The following SLC20A2 variants were observed in gnomAD, a reference collection of about 807,000 sequenced individuals.
SLC20A2 encodes solute carrier family 20 member 2, also known as sodium-dependent phosphate transporter 2.
Under a neutral mutation model 61.0 loss-of-function variants are expected in SLC20A2, and 30 were observed. The ratio of observed to expected loss-of-function variants is 0.49; its 90% CI spans 0.37 to 0.67. SLC20A2 has a LOEUF of 0.67. Among genes scored for constraint, SLC20A2 ranks in the 30% least tolerant of loss-of-function variants. SLC20A2 has a pLI of 0.00. For missense variants in SLC20A2, 626 were observed against 866.4 expected, an observed-to-expected ratio of 0.72 and a Z score of 3.48; for synonymous variants, 351 against 353.3, an observed-to-expected ratio of 0.99 and a Z score of 0.07.
intron 10 of SLC20A2, among the ~76,000 whole-genome samples, chr8:42,424,116 T>C (rs6987649): frequency 0.22 from 33,556 of 152,046 alleles, 7,599 homozygotes; most frequent in African/African-American, 0.58. Context: ...TTCTGCAGAA[T>C]ATGACTTCCA....
intron 6 of SLC20A2, among the ~76,000 whole-genome samples, chr8:42,441,530 G>A (rs1354610314): frequency 1.3e-5 from 2 of 150,916 alleles, no homozygotes; most frequent in South Asian, 2.1e-4. Flanking sequence ...GTGCTGTGGC[G>A]CGATCTCGGA....
chr8:42,419,139 C>G (rs1253658005), intron 10 of SLC20A2, among the ~76,000 whole-genome samples: 2 of 151,920 alleles, frequency 1.3e-5, no homozygotes, highest in Non-Finnish European at 2.9e-5. Context: ...TTACCCAATT[C>G]ACTATTTTTT....
At chr8:42,485,378 A>G (rs896334456) in intron 1 of SLC20A2, among the ~76,000 whole-genome samples, 2 of 152,088 alleles carry the variant, frequency 1.3e-5, no homozygotes, top group Non-Finnish European at 2.9e-5. Flanking sequence ...GCGGTGGCTC[A>G]CGCCTGTAAT....
intron 6 of SLC20A2, among the ~76,000 whole-genome samples, chr8:42,443,289 A>ATATC (rs1804940404): frequency 7.4e-6 from 1 of 134,408 alleles, no homozygotes; most frequent in Non-Finnish European, 1.6e-5. Flanking sequence ...ATATATATAT[A>ATATC]TATATATATA....
intron 7 of SLC20A2, among the ~76,000 whole-genome samples, chr8:42,438,457 C>T (rs1804518356): frequency 6.6e-6 from 1 of 152,136 alleles, no homozygotes; most frequent in Non-Finnish European, 1.5e-5. Flanking sequence ...CAGGTGTGCA[C>T]CATCATCCAG....
intron 1 of SLC20A2, chr8:42,480,520 T>C (rs1290423774): frequency 6.6e-6 from 1 of 152,234 alleles, no homozygotes; most frequent in Non-Finnish European, 1.5e-5. Flanking sequence ...CTACCTACGA[T>C]GTAAAACATA....
chr8:42,439,958 G>T (rs1012768858), intron 6 of SLC20A2, among the ~76,000 whole-genome samples: 10 of 151,650 alleles, frequency 6.6e-5, no homozygotes, highest in Admixed American at 1.3e-4. Context: ...GGTGGCAGGC[G>T]CCTGTAATTC....
chr8:42,496,492 T>G lies in SLC20A2; in HGVS notation c.-265+4539A>C, dbSNP rs2272686. 2.6e-4 allele frequency among the ~76,000 whole-genome samples: 39 copies of G among 152,312 alleles called. No homozygotes were observed. In the East Asian group the frequency reaches 7.3e-3, roughly 29 times the overall value. ...AGGGGACTCCTAGGAGTAACTGTTT[T>G]GATTGGGAAAGGTGAGAATGGCCAC... is the stretch of plus-strand genomic sequence containing the variant. On this transcript the variant is annotated intron_variant, in intron 1 of 10. Transcript: ENST00000520262.
In SLC20A2 at chr8:42,455,386, C is replaced by T. The variant is rs1413037740; in HGVS notation, c.613+4510G>A. Among the ~76,000 whole-genome samples the T allele has an allele frequency of 4.6e-5, 7 of 150,978 alleles. No homozygotes were observed. In the South Asian group the frequency reaches 8.4e-4, roughly 18 times the overall value. On this transcript the variant is annotated intron_variant, in intron 5 of 10. Transcript: ENST00000520262. Reference sequence around the variant, plus strand: ...ATAATTTGTTAAGGTTGAGGCTGGGCGCGGTGGCTCACGCCTGTAATCCCA... The same window carrying T: ...ATAATTTGTTAAGGTTGAGGCTGGGTGCGGTGGCTCACGCCTGTAATCCCA...
At chr8:42,428,285 G>A (rs1360000233) in intron 10 of SLC20A2, among the ~76,000 whole-genome samples, 1 of 152,252 alleles carries the variant, frequency 6.6e-6, no homozygotes, top group Non-Finnish European at 1.5e-5. Flanking sequence ...GGAATTTATG[G>A]CAATATAGTC....
chr8:42,480,788 T>A (rs1265512383), intron 1 of SLC20A2, among the ~76,000 whole-genome samples: 1 of 152,188 alleles, frequency 6.6e-6, no homozygotes, highest in African/African-American at 2.4e-5. Flanking sequence ...GCCTCTCCAG[T>A]AGCTCAGACT....
At chr8:42,430,790 T>C (rs886103241) in intron 8 of SLC20A2, among the ~76,000 whole-genome samples, 2 of 152,214 alleles carry the variant, frequency 1.3e-5, no homozygotes, top group African/African-American at 4.8e-5. Context: ...ATTCTCACAG[T>C]ATTCCCGAAT....
chr8:42,538,483 G>C (rs1275487726), intron 1 of SLC20A2, among the ~76,000 whole-genome samples: 2 of 151,984 alleles, frequency 1.3e-5, no homozygotes, highest in Non-Finnish European at 2.9e-5. Flanking sequence ...AGATTGCAGA[G>C]AAAGTCAGGC....
chr8:42,478,357 A>G (rs113742868), intron 1 of SLC20A2, among the ~76,000 whole-genome samples: 4,333 of 151,328 alleles, frequency 0.029, 213 homozygotes, highest in African/African-American at 0.099. Context: ...GATTACAGGC[A>G]TGCACTTCCT....
intron 5 of SLC20A2, among the ~76,000 whole-genome samples, chr8:42,446,427 A>G (rs1185676351): frequency 6.6e-6 from 1 of 152,210 alleles, no homozygotes; most frequent in Non-Finnish European, 1.5e-5. Flanking sequence ...ACATAAACTC[A>G]CAGGTAGTTA....
chr8:42,444,834 TC>T, intron 5 of SLC20A2, 72 bp from the exon 6 acceptor site: 2 of 1,004,772 alleles, frequency 2.0e-6, no homozygotes, highest in East Asian at 4.8e-5. Flanking sequence ...GCGGTGGACT[TC>T]CCACTCCCCA....
intron 1 of SLC20A2, among the ~76,000 whole-genome samples, chr8:42,487,661 T>C (rs1809140277): frequency 6.6e-6 from 1 of 152,226 alleles, no homozygotes; most frequent in African/African-American, 2.4e-5. Flanking sequence ...GAAGCCTCTC[T>C]AGCGAACTTG....
intron 5 of SLC20A2, among the ~76,000 whole-genome samples, chr8:42,451,210 G>C (rs1016993762): frequency 4.7e-5 from 7 of 150,348 alleles, no homozygotes; most frequent in Admixed American, 1.3e-4. Context: ...GGAGAAACCA[G>C]AGGAGGGGGA....
At chr8:42,489,156 C>G (rs1331884668) in intron 1 of SLC20A2, among the ~76,000 whole-genome samples, 5 of 152,092 alleles carry the variant, frequency 3.3e-5, no homozygotes, top group Non-Finnish European at 7.4e-5. Flanking sequence ...CCAGGCTGGT[C>G]TCGAACTCCT....
Sources: allele counts gnomAD v4.1 joint callset (sites outside exome capture counted in the v4.1 genomes callset), GRCh38; gene constraint gnomAD v4.1.1; transcripts MANE v1.5; gene names NCBI Gene and HGNC (gene_info 2026-07-23, HGNC 2026-07-21).